Variants in KCNH2 observed in about 807,000 individuals in gnomAD.
The protein encoded by KCNH2 is potassium voltage-gated channel subfamily H member 2.
A neutral mutation model predicts 95.9 loss-of-function variants in KCNH2; 35 were observed. The observed-to-expected ratio is 0.37, with a 90% CI of 0.28 to 0.48. The LOEUF (loss-of-function observed/expected upper bound fraction) is 0.48. Among genes scored for constraint, KCNH2 ranks in the 20% least tolerant of loss-of-function variants. The pLI, the probability that KCNH2 is intolerant of heterozygous loss-of-function variation, is 0.99. For missense variants in KCNH2, 1,274 were observed against 1,702.9 expected, an observed-to-expected ratio of 0.75 and a Z score of 4.43; for synonymous variants, 786 against 754.7, an observed-to-expected ratio of 1.04 and a Z score of -0.68.
At chr7:150,972,959 C>A (rs1337253012) in intron 2 of KCNH2, among the ~76,000 whole-genome samples, 1 of 152,200 alleles carries the variant, frequency 6.6e-6, no homozygotes. Context: ...GGCCAAATCC[C>A]CAGCACAGCT....
chr7:150,976,737 C>T (rs534757009), intron 1 of KCNH2, among the ~76,000 whole-genome samples: 1 of 151,400 alleles, frequency 6.6e-6, no homozygotes, highest in Admixed American at 6.6e-5. Context: ...AGCACCCCCC[C>T]CCACATCCAT....
Position 150,945,592 on chromosome 7 carries a change from C to G in KCNH2, c.3331-78G>C. The G allele has an allele frequency of 6.9e-7, 1 of 1,447,048 alleles. No individual in the cohort carries two copies. Among genetic ancestry groups the G allele is most frequent in the African/African-American group, 1.4e-5 (1 of 70,952 alleles). 89.6% of individuals were successfully genotyped at this position (1,447,048 alleles called of 1,614,324 possible). On this transcript the variant is annotated intron_variant, in intron 14 of 14. Transcript: ENST00000262186. The surrounding 1 kb of genome is among the most constrained non-coding windows in gnomAD (Gnocchi z 5.6). ...GGGGAGGGAAAGGGGCAGGAGAACC[C>G]GGGGACAGAGGATGGACGGGAGGAC... is the stretch of plus-strand genomic sequence containing the variant.
chr7:150,974,747 C>T lies in KCNH2; in HGVS notation c.271G>A (p.Glu91Lys). 1 of 1,605,810 alleles carries T rather than the reference C, an allele frequency of 6.2e-7. No homozygotes were observed. Among genetic ancestry groups the T allele is most frequent in the Non-Finnish European group, 8.5e-7 (1 of 1,176,980 alleles). ...QIAQALLGAE[E>K]RKVEIAFYRK... ...TAGAAGGCGATTTCCACTTTGCGCT[C>T]CTCGGCGCCCAGCAGTGCCTGCGCG... is the stretch of plus-strand genomic sequence containing the variant. The change falls in exon 2 of 15, where the codon GAG (glutamate) becomes AAG (lysine). Residue 91 changes from glutamate to lysine, a missense_variant. Transcript: ENST00000262186.
chr7:150,969,810 C>A (rs982553054), intron 2 of KCNH2, among the ~76,000 whole-genome samples: 1 of 152,180 alleles, frequency 6.6e-6, no homozygotes, highest in Admixed American at 6.5e-5. Flanking sequence ...CTGCCTGGCT[C>A]CCAAGGTGTT....
At chr7:150,959,442 T>A (rs995631500) in intron 3 of KCNH2, 130 bp downstream of exon 3, 2 of 1,118,634 alleles carry the variant, frequency 1.8e-6, no homozygotes, top group African/African-American at 3.1e-5. Context: ...ACTTCCCACC[T>A]CCAAAGGGGG....
Position 150,948,424 on chromosome 7 carries a change from C to CGG in KCNH2, c.2692+19_2692+20insCC. 1.7e-5 allele frequency: 13 copies of CGG among 745,036 alleles called. No homozygotes were observed. The highest frequency in any genetic ancestry group is 2.8e-5 in the Non-Finnish European group (13 of 460,198). 46.2% of individuals were successfully genotyped at this position (745,036 alleles called of 1,614,324 possible). A position where few individuals can be genotyped will look rare whatever the true frequency, so the allele number is the denominator to read the frequency against. ...TCACCTTGTCCCCGCCCTCCCCCTT[C>CGG]CTCCCCTCCCCCGCCTCACCCTTGT... On this transcript the variant is annotated intron_variant, in intron 11 of 14. Transcript: ENST00000262186.
At position 150,965,534 on chromosome 7, in the gene KCNH2, G is replaced by A. The variant is rs113491353; in HGVS notation, c.308-5798C>T. Among the ~76,000 whole-genome samples, 286 of 152,234 alleles carry A rather than the reference G, an allele frequency of 1.9e-3. 2 individuals carry two copies. Among genetic ancestry groups the A allele is most frequent in the South Asian group, 4.4e-3 (21 of 4,818 alleles). On this transcript the variant is annotated intron_variant, in intron 2 of 14. Coordinates refer to ENST00000262186, the MANE Select transcript of KCNH2 (RefSeq NM_000238.4). ...CTCCCTGCACAGGCGCGTGAGTCCC[G>A]GGCAGTTGCGCCCCAGCTTCAGCCC...
chr7:150,947,330 G>A lies in KCNH2; in HGVS notation c.3150C>T (p.Asn1050=), dbSNP rs1395393396. The change falls in exon 13 of 15, where the codon AAC becomes AAT. Residue 1050 remains asparagine, a splice_region_variant and synonymous_variant. Coordinates refer to ENST00000262186, the MANE Select transcript of KCNH2 (RefSeq NM_000238.4). The stretch of plus-strand genomic sequence containing the variant: ...CCACCCCACCTGCACTCCCTCACCT[G>A]TTGAGCTGGCGCTGGAGGGCATCCA... The part of the protein sequence containing the change: ...SRLDALQRQL[N]RLETRLSADM... 6.5e-7 allele frequency: 1 copy of A among 1,541,344 alleles called. No individual in the cohort carries two copies. The highest frequency in any genetic ancestry group is 8.7e-7 in the Non-Finnish European group (1 of 1,146,466).
intron 5 of KCNH2, among the ~76,000 whole-genome samples, chr7:150,956,664 C>T (rs1801385715): frequency 6.6e-6 from 1 of 152,148 alleles, no homozygotes. Context: ...GCCCAGGATT[C>T]AGGGACCTGA....
Position 150,952,100 on chromosome 7 carries a change from C to T in KCNH2, c.1558-265G>A, listed in dbSNP as rs1801195678. Reference sequence around the variant, plus strand: ...TGCAGTGATCACCCTAGGGTGCCTGCCCACTCCCACCAGCTTCTAGGGCAC... The same window carrying T: ...TGCAGTGATCACCCTAGGGTGCCTGTCCACTCCCACCAGCTTCTAGGGCAC... On this transcript the variant is annotated intron_variant, in intron 6 of 14. Coordinates refer to ENST00000262186, the MANE Select transcript of KCNH2 (RefSeq NM_000238.4). This position sits in a 1 kb window ranked among gnomAD's most constrained non-coding sequence, Gnocchi z 7.3. 6.6e-6 allele frequency among the ~76,000 whole-genome samples: 1 copy of T among 152,190 alleles called. No homozygotes were observed. Among genetic ancestry groups the T allele is most frequent in the African/African-American group, 2.4e-5 (1 of 41,452 alleles).
intron 7 of KCNH2, 109 bp downstream of exon 7, chr7:150,951,339 T>A: frequency 4.7e-6 from 6 of 1,265,138 alleles, no homozygotes; most frequent in Non-Finnish European, 6.4e-6. Context: ...GCCCCTGGAG[T>A]CTCTAAGTTC....
intron 1 of KCNH2, among the ~76,000 whole-genome samples, chr7:150,975,146 G>A (rs1801950047): frequency 6.6e-6 from 1 of 151,858 alleles, no homozygotes; most frequent in African/African-American, 2.4e-5. Flanking sequence ...CGCGCGGCGC[G>A]CCCCCTCCTC....
chr7:150,947,068 T>C lies in KCNH2; in HGVS notation c.3153-14A>G, dbSNP rs1259655183. 3.8e-6 allele frequency: 5 copies of C among 1,311,190 alleles called. No individual in the cohort carries two copies. The highest frequency in any genetic ancestry group is 2.7e-4 in the Middle Eastern group (1 of 3,758). 81.2% of individuals were successfully genotyped at this position (1,311,190 alleles called of 1,614,324 possible). On this transcript the variant is annotated splice_polypyrimidine_tract_variant and intron_variant, in intron 13 of 14. Coordinates refer to ENST00000262186, the MANE Select transcript of KCNH2 (RefSeq NM_000238.4). ...CGGGTCTCCAGCCTGGGGCAGGAAG[T>C]GGGGGATGCTCAGAGAAGTGGGGAC...
Position 150,957,417 on chromosome 7 carries a change from G to A in KCNH2, c.1002C>T (p.Pro334=). Residue 334 remains proline, a synonymous_variant, in exon 5 of 15, where the codon CCC becomes CCT. Coordinates refer to ENST00000262186, the MANE Select transcript of KCNH2 (RefSeq NM_000238.4). ...LVRYRTISKI[P]QITLNFVDLK... is the part of the protein sequence containing the mutation. ...GGTCCACAAAGTTGAGGGTGATTTG[G>A]GGAATCTTGCTAATGGTGCGGTAGC... 1 of 1,614,196 alleles carries A rather than the reference G, an allele frequency of 6.2e-7. No homozygotes were observed.
intron 2 of KCNH2, among the ~76,000 whole-genome samples, chr7:150,968,895 C>A (rs909412575): frequency 6.6e-6 from 1 of 152,182 alleles, no homozygotes; most frequent in Non-Finnish European, 1.5e-5. Context: ...TTAGGTGACG[C>A]CCTGCTTCAT....
chr7:150,952,646 C>A lies in KCNH2; in HGVS notation c.1336G>T (p.Gly446Cys), dbSNP rs1415178101. Residue 446 changes from glycine to cysteine, a missense_variant, in exon 6 of 15, where the codon GGC becomes TGC. By Grantham distance (159) the Gly-to-Cys change is radical. Transcript: ENST00000262186. The surrounding 1 kb of genome is among the most constrained non-coding windows in gnomAD (Gnocchi z 7.3). ...ACAGCCAGCGGCTGGCAGGCGTAGC[C>A]ACACTCGGTAGCAGGCGGGCCTTCT... ...TEEGPPATEC[G>C]YACQPLAVVD... is the part of the protein sequence containing the mutation. 1 of 1,614,098 alleles carries A rather than the reference C, an allele frequency of 6.2e-7. No individual in the cohort carries two copies. The highest frequency in any genetic ancestry group is 8.5e-7 in the Non-Finnish European group (1 of 1,180,054).
In KCNH2 at chr7:150,945,850, C is replaced by G. The variant is rs1022015673; in HGVS notation, c.3331-336G>C. 2.0e-5 allele frequency among the ~76,000 whole-genome samples: 3 copies of G among 152,222 alleles called. No individual in the cohort carries two copies. The highest frequency in any genetic ancestry group is 7.2e-5 in the African/African-American group (3 of 41,456). ...CCCAACCCAACCTGGAACAAGCAGT[C>G]TCTGTGTTGGGACAGAAGCTGGGAC... On this transcript the variant is annotated intron_variant, in intron 14 of 14. Coordinates refer to ENST00000262186, the MANE Select transcript of KCNH2 (RefSeq NM_000238.4). This position sits in a 1 kb window ranked among gnomAD's most constrained non-coding sequence, Gnocchi z 5.6.
rs1311930240 is a variant in KCNH2 at position 150,952,235 on chromosome 7, T to C, written c.1557+190A>G. ...GGAGCTTGTGTGGAGAGAAGGAGCA[T>C]AGGTTTGCTGGGGTACCCACCTTGC... On this transcript the variant is annotated intron_variant, in intron 6 of 14. Transcript: ENST00000262186. This position sits in a 1 kb window ranked among gnomAD's most constrained non-coding sequence, Gnocchi z 7.3. Among the ~76,000 whole-genome samples, 1 of 152,174 alleles carries C rather than the reference T, an allele frequency of 6.6e-6. No homozygotes were observed. The highest frequency in any genetic ancestry group is 2.4e-5 in the African/African-American group (1 of 41,432).
rs993626662 is a variant in KCNH2, at chr7:150,962,023, C to T, written c.308-2287G>A. Among the ~76,000 whole-genome samples, 5 of 152,232 alleles carry T rather than the reference C, an allele frequency of 3.3e-5. No individual in the cohort carries two copies. Among genetic ancestry groups the T allele is most frequent in the Admixed American group, 2.0e-4 (3 of 15,284 alleles). ...AGACCCTCACAGCCCCGCCCGAGGG[C>T]CCTGAGCTCTGGGGCTCTGTCTGGG... On this transcript the variant is annotated intron_variant, in intron 2 of 14. Coordinates refer to ENST00000262186, the MANE Select transcript of KCNH2 (RefSeq NM_000238.4). The surrounding 1 kb of genome is among the most constrained non-coding windows in gnomAD (Gnocchi z 5.7).
Sources: gnomAD v4.1 joint callset for allele counts (sites outside exome capture counted in the v4.1 genomes callset) on GRCh38, gnomAD v4.1.1 for gene constraint, Gnocchi (gnomAD v3.1) non-coding constraint, MANE v1.5 for transcripts, NCBI Gene and HGNC (gene_info 2026-07-23, HGNC 2026-07-21) for gene names.